Variants in RAPGEF3 observed in about 807,000 individuals in gnomAD.
RAPGEF3 encodes Rap guanine nucleotide exchange factor 3.
In RAPGEF3, 103 loss-of-function variants were observed where a neutral mutation model predicts 129.8. The ratio of observed to expected loss-of-function variants is 0.79; its 90% CI spans 0.68 to 0.93. The LOEUF (loss-of-function observed/expected upper bound fraction) is 0.93. Among genes scored for constraint, RAPGEF3 ranks in the 40% least tolerant of loss-of-function variants. RAPGEF3 has a pLI of 0.00. For synonymous variants in RAPGEF3, 436 were observed against 482.6 expected (o/e 0.90, Z 1.26); for missense variants, 1,117 against 1,207.4 (o/e 0.93, Z 1.11).
intron 27 of RAPGEF3, 55 bp downstream of exon 27, chr12:47,737,967 G>T: frequency 6.5e-7 from 1 of 1,549,320 alleles, no homozygotes; most frequent in Non-Finnish European, 8.9e-7. Context: ...TGCCAGCCAT[G>T]GGTAACTACC....
chr12:47,752,097 C>A, intron 2 of RAPGEF3, 128 bp from the exon 3 acceptor site: 7 of 957,168 alleles, frequency 7.3e-6, no homozygotes, highest in Non-Finnish European at 1.1e-5. Context: ...TGTGGCCACT[C>A]CTTCAGCAAA....
chr12:47,740,141 C>G lies in RAPGEF3; in HGVS notation c.2373G>C (p.Leu791=). The G allele has an allele frequency of 6.2e-7, 1 of 1,612,540 alleles. No homozygotes were observed. The highest frequency in any genetic ancestry group is 8.5e-7 in the Non-Finnish European group (1 of 1,179,528). ...AGGCCGGGCAGGGTGGAGCACTCAC[C>G]AGCAGCCTCTCGAGGGCGGAGTACA... The part of the protein sequence containing the change: ...RKLYSALERL[L]DPSWNHRVYR... The change falls in exon 23 of 28, where the codon CTG becomes CTC. Residue 791 remains leucine (L), a splice_region_variant and synonymous_variant. Coordinates refer to ENST00000449771, the MANE Select transcript of RAPGEF3 (RefSeq NM_001098531.4).
At chr12:47,750,110 G>T in intron 7 of RAPGEF3, 120 bp from the exon 8 acceptor site, 1 of 1,264,358 alleles carries the variant, frequency 7.9e-7, no homozygotes, top group Non-Finnish European at 1.2e-6. Context: ...ATGTGGCCAG[G>T]TCAGGTGTTC....
chr12:47,748,097 T>G lies in RAPGEF3; in HGVS notation c.1299A>C (p.Gln433His), dbSNP rs1020664475. The change falls in exon 13 of 28, where the codon CAA becomes CAC. Residue 433 changes from glutamine to histidine, a missense_variant. Transcript: ENST00000449771. The stretch of plus-strand genomic sequence containing the variant: ...ATTGGTGCAGAAGGGCAGCGCAGAG[T>G]TGGGCGCTGGGCATGAAGACCCTGT... Reference protein sequence around the residue: ...LTHRVFMPSAQLCAALLHHFH... With the variant: ...LTHRVFMPSAHLCAALLHHFH... 2.5e-6 allele frequency: 4 copies of G among 1,587,984 alleles called. No individual in the cohort carries two copies. The African/African-American group carries it at 5.4e-5, about 21-fold the overall frequency.
chr12:47,749,133 G>T lies in RAPGEF3; in HGVS notation c.1042-202C>A. ...TGCCTCCCCCACAGCCTAGTCCCCC[G>T]CCCCCTGCATGCCCATCCTTCCCCT... On this transcript the variant is annotated intron_variant, in intron 10 of 27. Transcript: ENST00000449771. The surrounding 1 kb of genome is among the most constrained non-coding windows in gnomAD (Gnocchi z 4.5). 1.9e-6 allele frequency: 1 copy of T among 527,632 alleles called. No homozygotes were observed. The allele number at this position is 527,632 out of a possible 1,614,324, so 32.7% of individuals were successfully genotyped here. A position where few individuals can be genotyped will look rare whatever the true frequency, so the allele number is the denominator to read the frequency against.
At chr12:47,751,542 A>G in intron 4 of RAPGEF3, 22 bp from the exon 5 acceptor site, 1 of 1,613,772 alleles carries the variant, frequency 6.2e-7, no homozygotes, top group Non-Finnish European at 8.5e-7. Flanking sequence ...AGAAGGGGAC[A>G]GGCCAGTGGA....
chr12:47,738,635 C>T, intron 25 of RAPGEF3, 55 bp downstream of exon 25: 1 of 1,467,852 alleles, frequency 6.8e-7, no homozygotes, highest in Middle Eastern at 1.7e-4. Flanking sequence ...TCCCAGGCCA[C>T]AGTCATGTCC....
chr12:47,743,916 A>G, intron 17 of RAPGEF3, 71 bp downstream of exon 17: 1 of 1,495,106 alleles, frequency 6.7e-7, no homozygotes, highest in Non-Finnish European at 9.3e-7. Flanking sequence ...GAGTGACGAC[A>G]GCAGGACAAG....
At position 47,749,134 on chromosome 12, in the gene RAPGEF3, C is replaced by T; in HGVS notation, c.1042-203G>A. On this transcript the variant is annotated intron_variant, in intron 10 of 27. Coordinates refer to ENST00000449771, the MANE Select transcript of RAPGEF3 (RefSeq NM_001098531.4). The surrounding 1 kb of genome is among the most constrained non-coding windows in gnomAD (Gnocchi z 4.5). The stretch of plus-strand genomic sequence containing the variant: ...GCCTCCCCCACAGCCTAGTCCCCCG[C>T]CCCCTGCATGCCCATCCTTCCCCTG... The T allele has an allele frequency of 1.6e-6, 1 of 641,950 alleles. No homozygotes were observed. The highest frequency in any genetic ancestry group is 2.7e-5 in the East Asian group (1 of 36,604). The allele number at this position is 641,950 out of a possible 1,614,324, so 39.8% of individuals were successfully genotyped here. A position where few individuals can be genotyped will look rare whatever the true frequency, so the allele number is the denominator to read the frequency against.
intron 18 of RAPGEF3, chr12:47,742,371 T>C (rs976947841): frequency 6.6e-6 from 1 of 152,256 alleles, no homozygotes; most frequent in African/African-American, 2.4e-5. Flanking sequence ...TCAATAAACA[T>C]GACCTTTGGG....
chr12:47,737,994 T>TGCCCACCCACCATC (rs1268198653), intron 27 of RAPGEF3, 28 bp downstream of exon 27: 5 of 820,024 alleles, frequency 6.1e-6, no homozygotes, highest in African/African-American at 1.7e-5. Flanking sequence ...ACCCCCTCCC[T>TGCCCACCCACCATC]GCCCACCCAC....
At chr12:47,746,705 G>T in intron 16 of RAPGEF3, 155 bp downstream of exon 16, 1 of 924,986 alleles carries the variant, frequency 1.1e-6, no homozygotes, top group Non-Finnish European at 1.7e-6. Flanking sequence ...GGCACCACAT[G>T]CAGCAAGGGC....
Position 47,758,711 on chromosome 12 carries a change from A to T in RAPGEF3, c.-155T>A. On this transcript the variant is annotated 5_prime_UTR_variant, in exon 1 of 28. Coordinates refer to ENST00000449771, the MANE Select transcript of RAPGEF3 (RefSeq NM_001098531.4). Reference sequence around the variant, plus strand: ...CCAGTGCCTAGCTGGACTGGCTGCCAGGGCAGCAGGATGCAGGGCTCGGTG... The same window carrying T: ...CCAGTGCCTAGCTGGACTGGCTGCCTGGGCAGCAGGATGCAGGGCTCGGTG... 3 of 1,268,724 alleles carry T rather than the reference A, an allele frequency of 2.4e-6. No homozygotes were observed. Among genetic ancestry groups the T allele is most frequent in the African/African-American group, 1.6e-5 (1 of 64,268 alleles). The allele number at this position is 1,268,724 out of a possible 1,614,324, so 78.6% of individuals were successfully genotyped here. A position where few individuals can be genotyped will look rare whatever the true frequency, so the allele number is the denominator to read the frequency against.
chr12:47,753,420 C>T (rs1353730216), intron 2 of RAPGEF3, among the ~76,000 whole-genome samples: 10 of 152,198 alleles, frequency 6.6e-5, no homozygotes, highest in Non-Finnish European at 1.2e-4. Flanking sequence ...TGGGGAGTTG[C>T]AGTACAACCA....
At chr12:47,744,532 G>A (rs947613254) in intron 16 of RAPGEF3, 1 of 178,668 alleles carries the variant, frequency 5.6e-6, no homozygotes, top group Non-Finnish European at 1.2e-5. Flanking sequence ...CATGCCCAAA[G>A]CCACACAGCT....
At chr12:47,758,159 C>G in intron 1 of RAPGEF3, 81 bp from the exon 2 acceptor site, 2 of 1,496,714 alleles carry the variant, frequency 1.3e-6, no homozygotes, top group Non-Finnish European at 1.8e-6. Context: ...CCAGGCAGAA[C>G]TACTTCCTTA....
At chr12:47,746,803 A>G in intron 16 of RAPGEF3, 57 bp downstream of exon 16, 1 of 1,524,066 alleles carries the variant, frequency 6.6e-7, no homozygotes, top group Non-Finnish European at 9.0e-7. Flanking sequence ...CAGGGGGCGA[A>G]GGAGGGGCCT....
At position 47,747,803 on chromosome 12, in the gene RAPGEF3, T is replaced by C. The variant is rs1357829046; in HGVS notation, c.1382A>G (p.Lys461Arg). The C allele has an allele frequency of 6.2e-7, 1 of 1,607,344 alleles. No individual in the cohort carries two copies. Among genetic ancestry groups the C allele is most frequent in the Non-Finnish European group, 8.5e-7 (1 of 1,179,984 alleles). The change falls in exon 14 of 28, where the codon AAG (lysine) becomes AGG (arginine). Residue 461 changes from lysine to arginine, a missense_variant. By Grantham distance (26) the Lys-to-Arg change is conservative. Transcript: ENST00000449771. ...GACCAGCCGCAAGATCTGCTGCCTC[T>C]TGTTGCAGACGTAGGTGCTGCGCTC... ...EQERSTYVCNKRQQILRLVSQ... is the reference protein window; with the variant it reads ...EQERSTYVCNRRQQILRLVSQ...
intron 18 of RAPGEF3, among the ~76,000 whole-genome samples, chr12:47,742,545 C>T (rs1349067787): frequency 2.0e-5 from 3 of 152,228 alleles, no homozygotes; most frequent in Non-Finnish European, 4.4e-5. Context: ...AGCTGTCAAG[C>T]CCGTGCCCTC....
Sources: gnomAD v4.1 joint callset for allele counts (sites outside exome capture counted in the v4.1 genomes callset) on GRCh38, gnomAD v4.1.1 for gene constraint, Gnocchi (gnomAD v3.1) non-coding constraint, MANE v1.5 for transcripts, NCBI Gene and HGNC (gene_info 2026-07-23, HGNC 2026-07-21) for gene names.